Variants in ZNF138 observed in about 807,000 individuals in gnomAD.
ZNF138 encodes the protein zinc finger protein 138.
Under a neutral mutation model 33.0 loss-of-function variants are expected in ZNF138, and 33 were observed. That is an observed-to-expected ratio of 1.00 (90% CI 0.76 to 1.34). The LOEUF (loss-of-function observed/expected upper bound fraction) is 1.34, where lower values mean the gene tolerates loss of function less well. Ranked by LOEUF, ZNF138 falls within the 40% of genes most tolerant of loss-of-function variation. ZNF138 has a pLI of 0.00. For missense variants in ZNF138, 360 were observed against 370.8 expected (o/e 0.97, Z 0.24); for synonymous variants, 139 against 120.4 (o/e 1.15, Z -1.01).
chr7:64,813,804 C>T lies in ZNF138; in HGVS notation c.4-1114C>T, dbSNP rs537450901. 9.2e-5 allele frequency among the ~76,000 whole-genome samples: 14 copies of T among 152,176 alleles called. No homozygotes were observed. In the South Asian group the frequency reaches 2.5e-3, roughly 27 times the overall value. On this transcript the variant is annotated intron_variant, in intron 1 of 3. Coordinates refer to ENST00000307355, the MANE Select transcript of ZNF138 (RefSeq NM_001271639.2). ...GGGGGCAGTATTGCAGCAGTGATGC[C>T]GTGTTTTTCTGTGTGCATCAACACC...
chr7:64,859,474 T>C, the ZNF138 span, among the ~76,000 whole-genome samples: 2 of 152,214 alleles, frequency 1.3e-5, no homozygotes, highest in Non-Finnish European at 2.9e-5. Flanking sequence ...TCTCTTAAAG[T>C]TGGCTTATTA....
chr7:64,832,593 G>T lies in ZNF138; in HGVS notation c.*391G>T. On this transcript the variant is annotated 3_prime_UTR_variant, in exon 4 of 4. Transcript: ENST00000307355. ...TGGAGAAAAACCCTACAAATGTGAA[G>T]AATGTGGCAAAGCTTTTAACCAGTC... 1 of 516,766 alleles carries T rather than the reference G, an allele frequency of 1.9e-6. No individual in the cohort carries two copies. The highest frequency in any genetic ancestry group is 1.7e-5 in the South Asian group (1 of 60,584). 32.0% of individuals were successfully genotyped at this position (516,766 alleles called of 1,614,324 possible). A position where few individuals can be genotyped will look rare whatever the true frequency, so the allele number is the denominator to read the frequency against.
chr7:64,817,176 C>T (rs10266823), intron 3 of ZNF138, among the ~76,000 whole-genome samples: 150,049 of 152,252 alleles, frequency 0.99, 73,977 homozygotes, highest in East Asian at 1. Flanking sequence ...GCTAAGGGAA[C>T]TAGAACTGAG....
At chr7:64,830,942 G>A (rs1317596790) in intron 3 of ZNF138, 1 of 1,550,660 alleles carries the variant, frequency 6.4e-7, no homozygotes, top group Non-Finnish European at 8.7e-7. Context: ...CTTTGCAGCT[G>A]TAGCATTTAC....
intron 3 of ZNF138, among the ~76,000 whole-genome samples, chr7:64,817,352 C>T (rs958401083): frequency 2.6e-5 from 4 of 152,158 alleles, no homozygotes; most frequent in African/African-American, 9.7e-5. Flanking sequence ...TCAGAATTCT[C>T]AGTGGGACCA....
At chr7:64,853,129 G>C in the ZNF138 span, 2 of 1,436,562 alleles carry the variant, frequency 1.4e-6, no homozygotes, top group South Asian at 1.1e-5. Flanking sequence ...AAAGCCCACC[G>C]TGTCTCAAAG....
chr7:64,852,884 A>C, the ZNF138 span: 555 of 941,538 alleles, frequency 5.9e-4, 4 homozygotes, highest in Non-Finnish European at 1.8e-4. Context: ...GCCGCCCATT[A>C]CAGACGTTTC....
chr7:64,801,432 A>G (rs548729570), intron 1 of ZNF138, among the ~76,000 whole-genome samples: 2 of 152,176 alleles, frequency 1.3e-5, no homozygotes, highest in African/African-American at 4.8e-5. Flanking sequence ...AAAGTTATTC[A>G]GGTACAGGTT....
chr7:64,805,112 CTG>C (rs1357639554), intron 1 of ZNF138, among the ~76,000 whole-genome samples: 1 of 152,084 alleles, frequency 6.6e-6, no homozygotes, highest in Non-Finnish European at 1.5e-5. Flanking sequence ...TAAATAGAAA[CTG>C]ATGGCCGGGC....
downstream of ZNF138, chr7:64,836,243 G>A (rs1053767987): frequency 1.3e-5 from 2 of 152,270 alleles, no homozygotes; most frequent in African/African-American, 4.8e-5. Flanking sequence ...GTAGGGAGAG[G>A]AACTGCTACT....
intron 1 of ZNF138, among the ~76,000 whole-genome samples, chr7:64,795,605 T>A (rs1786624507): frequency 6.6e-6 from 1 of 152,168 alleles, no homozygotes; most frequent in African/African-American, 2.4e-5. Flanking sequence ...AGATTTGTTA[T>A]CTGTTTGTAA....
At chr7:64,823,532 C>T (rs1372123420) in intron 3 of ZNF138, among the ~76,000 whole-genome samples, 1 of 147,322 alleles carries the variant, frequency 6.8e-6, no homozygotes, top group East Asian at 1.9e-4. Context: ...GACAAGACAT[C>T]ACTATGTTGC....
the ZNF138 span, among the ~76,000 whole-genome samples, chr7:64,841,611 T>C: frequency 3.7e-3 from 571 of 152,340 alleles, 2 homozygotes; most frequent in Non-Finnish European, 3.5e-3. Flanking sequence ...AAAGAGAAAC[T>C]CTGTTTCTTT....
chr7:64,835,014 G>A (rs1790321285), downstream of ZNF138, among the ~76,000 whole-genome samples: 1 of 152,178 alleles, frequency 6.6e-6, no homozygotes, highest in Non-Finnish European at 1.5e-5. Context: ...GGCCAGGGAA[G>A]TCGCACTGTG....
At chr7:64,840,286 G>A in the ZNF138 span, among the ~76,000 whole-genome samples, 1 of 152,184 alleles carries the variant, frequency 6.6e-6, no homozygotes, top group Non-Finnish European at 1.5e-5. Context: ...ACTCAAGGGT[G>A]TAGGTCAAAG....
At chr7:64,825,727 A>T (rs757944443) in intron 3 of ZNF138, among the ~76,000 whole-genome samples, 2 of 151,462 alleles carry the variant, frequency 1.3e-5, no homozygotes, top group Non-Finnish European at 2.9e-5. Context: ...TTCGGTAGAG[A>T]CAGGGTTTCA....
intron 1 of ZNF138, among the ~76,000 whole-genome samples, chr7:64,799,102 T>A (rs1786931936): frequency 6.6e-6 from 1 of 152,180 alleles, no homozygotes; most frequent in African/African-American, 2.4e-5. Flanking sequence ...GGTAGCTTGA[T>A]AAGAATGACA....
intron 3 of ZNF138, among the ~76,000 whole-genome samples, chr7:64,816,353 T>C (rs1325758281): frequency 6.6e-6 from 1 of 152,044 alleles, no homozygotes; most frequent in Non-Finnish European, 1.5e-5. Context: ...TTTTTAAATT[T>C]ATTTGTATCA....
At chr7:64,815,169 A>C in intron 2 of ZNF138, 125 bp downstream of exon 2, 1 of 1,068,818 alleles carries the variant, frequency 9.4e-7, no homozygotes, top group Non-Finnish European at 1.3e-6. Flanking sequence ...CCTGTTTTCA[A>C]AAGAATCTTT....
Sources: allele counts gnomAD v4.1 joint callset (sites outside exome capture counted in the v4.1 genomes callset), GRCh38; gene constraint gnomAD v4.1.1; transcripts MANE v1.5; gene names NCBI Gene and HGNC (gene_info 2026-07-23, HGNC 2026-07-21).